ROBO1: variants seen among roughly 807,000 people sequenced by gnomAD.
ROBO1 encodes roundabout guidance receptor 1.
ROBO1 carries 149 observed loss-of-function variants against 195.9 expected under a neutral mutation model. The ratio of observed to expected loss-of-function variants is 0.76; its 90% CI spans 0.67 to 0.87. The LOEUF (loss-of-function observed/expected upper bound fraction) is 0.87. Among genes scored for constraint, ROBO1 ranks in the 40% least tolerant of loss-of-function variants. The pLI is 0.00. For synonymous variants in ROBO1, 816 were observed against 733.2 expected, an observed-to-expected ratio of 1.11 and a Z score of -1.82; for missense variants, 1,933 against 2,068.3, an observed-to-expected ratio of 0.93 and a Z score of 1.27.
chr3:79,523,515 C>T, intron 2 of ROBO1, among the ~76,000 whole-genome samples: 1 of 137,888 alleles, frequency 7.3e-6, no homozygotes. Flanking sequence ...TCTTGTTGTC[C>T]AGGCTTGAGT....
intron 1 of ROBO1, among the ~76,000 whole-genome samples, chr3:79,735,276 G>A (rs1424843498): frequency 1.3e-5 from 2 of 152,178 alleles, no homozygotes; most frequent in Non-Finnish European, 2.9e-5. Context: ...GACTTCAGTA[G>A]CACAATAAGG....
intron 4 of ROBO1, among the ~76,000 whole-genome samples, chr3:78,766,317 TAGA>T (rs1301697460): frequency 6.6e-6 from 1 of 152,128 alleles, no homozygotes. Context: ...CAATTCTTCC[TAGA>T]AGAATATAAA....
At chr3:78,645,315 T>C (rs1706206799) in intron 21 of ROBO1, among the ~76,000 whole-genome samples, 1 of 152,100 alleles carries the variant, frequency 6.6e-6, no homozygotes, top group Non-Finnish European at 1.5e-5. Flanking sequence ...CTCATTGTTA[T>C]CTTTCTAGTA....
intron 2 of ROBO1, among the ~76,000 whole-genome samples, chr3:79,514,306 G>A (rs914053436): frequency 4.6e-5 from 7 of 152,130 alleles, no homozygotes; most frequent in African/African-American, 9.7e-5. Flanking sequence ...CGTGGTGTGC[G>A]GGGGTGGAGG....
chr3:78,728,885 G>A (rs955640629), intron 5 of ROBO1, among the ~76,000 whole-genome samples: 13 of 152,134 alleles, frequency 8.5e-5, no homozygotes, highest in Admixed American at 2.0e-4. Context: ...ACATGATCCC[G>A]TTTCATTTGT....
At chr3:78,799,610 G>C (rs2084302075) in intron 4 of ROBO1, among the ~76,000 whole-genome samples, 3 of 151,988 alleles carry the variant, frequency 2.0e-5, no homozygotes, top group Non-Finnish European at 2.9e-5. Context: ...CAAAGTGCTG[G>C]GATTACAGGC....
intron 3 of ROBO1, among the ~76,000 whole-genome samples, chr3:78,939,526 G>A (rs1333026578): frequency 1.3e-5 from 2 of 151,292 alleles, no homozygotes; most frequent in Non-Finnish European, 2.9e-5. Context: ...GCTGAGGCAG[G>A]AGAATGGCGT....
intron 4 of ROBO1, among the ~76,000 whole-genome samples, chr3:78,756,214 C>T (rs758037260): frequency 5.9e-5 from 9 of 151,752 alleles, no homozygotes; most frequent in Middle Eastern, 3.4e-3. Flanking sequence ...CAAAACAAAA[C>T]AAAACAAAAA....
intron 2 of ROBO1, among the ~76,000 whole-genome samples, chr3:79,550,375 C>T (rs1030471935): frequency 6.6e-6 from 1 of 152,060 alleles, no homozygotes. Flanking sequence ...TCACTCTTAC[C>T]AGCCATGATA....
At chr3:79,307,487 T>G (rs1255404159) in intron 2 of ROBO1, among the ~76,000 whole-genome samples, 1 of 152,134 alleles carries the variant, frequency 6.6e-6, no homozygotes, top group Non-Finnish European at 1.5e-5. Context: ...AAACTGCACA[T>G]TTCAGGATTT....
intron 4 of ROBO1, among the ~76,000 whole-genome samples, chr3:78,803,495 G>A (rs2084431885): frequency 6.6e-6 from 1 of 152,066 alleles, no homozygotes; most frequent in Non-Finnish European, 1.5e-5. Flanking sequence ...CTTATTATGA[G>A]ATGTTAGCTT....
intron 2 of ROBO1, among the ~76,000 whole-genome samples, chr3:79,466,122 A>T (rs917679376): frequency 2.6e-5 from 4 of 152,110 alleles, no homozygotes; most frequent in Non-Finnish European, 5.9e-5. Flanking sequence ...TCTGTGACCA[A>T]AAGATTGTCT....
chr3:79,745,099 T>C (rs551756547), intron 1 of ROBO1, among the ~76,000 whole-genome samples: 1 of 152,236 alleles, frequency 6.6e-6, no homozygotes, highest in East Asian at 1.9e-4. Flanking sequence ...TAAGCCTCCA[T>C]TCAGAGTGTT....
At chr3:79,474,234 G>T (rs979353168) in intron 2 of ROBO1, among the ~76,000 whole-genome samples, 2 of 152,022 alleles carry the variant, frequency 1.3e-5, no homozygotes, top group South Asian at 2.1e-4. Flanking sequence ...TTAGTGAGTC[G>T]CTCATGTGCT....
chr3:79,461,172 T>C (rs1316952841), intron 2 of ROBO1, among the ~76,000 whole-genome samples: 1 of 152,096 alleles, frequency 6.6e-6, no homozygotes, highest in African/African-American at 2.4e-5. Context: ...TATTGGCAAT[T>C]ATCGAATCAT....
intron 3 of ROBO1, among the ~76,000 whole-genome samples, chr3:79,010,233 G>A (rs1019137867): frequency 1.2e-4 from 18 of 152,000 alleles, no homozygotes; most frequent in Non-Finnish European, 1.5e-5. Context: ...ATCTTTAAGG[G>A]AATAGTATAG....
chr3:79,684,527 G>T (rs754467434), intron 1 of ROBO1, among the ~76,000 whole-genome samples: 1 of 151,782 alleles, frequency 6.6e-6, no homozygotes, highest in South Asian at 2.1e-4. Context: ...AAGTATTTGC[G>T]CAGTAAGTTC....
chr3:79,015,977 T>A lies in ROBO1; in HGVS notation c.173-77050A>T, dbSNP rs117753676. 5.0e-3 allele frequency among the ~76,000 whole-genome samples: 766 copies of A among 152,296 alleles called. 15 individuals are homozygous for A. The highest frequency in any genetic ancestry group is 0.038 in the East Asian group (196 of 5,178). On this transcript the variant is annotated intron_variant, in intron 3 of 30. Coordinates refer to ENST00000464233, the MANE Select transcript of ROBO1 (RefSeq NM_002941.4). The stretch of plus-strand genomic sequence containing the variant: ...CAGGTTAAATCTTGTTGAAGGTAAG[T>A]TATCCCCTCAGTACACTTTGATTTA...
rs536997681 is a variant in ROBO1 at position 79,269,057 on chromosome 3, C to G, written c.89-143518G>C. On this transcript the variant is annotated intron_variant, in intron 2 of 30. Transcript: ENST00000464233. ...TTGCATTTGTTCAATAATACTCTAGCCAGTCAGTGGGAGATGAATTTTTTT... is the reference window on the plus strand; with the variant it reads ...TTGCATTTGTTCAATAATACTCTAGGCAGTCAGTGGGAGATGAATTTTTTT... 2.6e-5 allele frequency among the ~76,000 whole-genome samples: 4 copies of G among 151,670 alleles called. No individual in the cohort carries two copies. In the South Asian group the frequency reaches 8.3e-4, roughly 31 times the overall value.
Sources: gnomAD v4.1 joint callset for allele counts (sites outside exome capture counted in the v4.1 genomes callset) on GRCh38, gnomAD v4.1.1 for gene constraint, MANE v1.5 for transcripts, NCBI Gene and HGNC (gene_info 2026-07-23, HGNC 2026-07-21) for gene names.